TMEM132C: variants seen among roughly 807,000 people sequenced by gnomAD.
The protein encoded by TMEM132C is protein phosphatase 1, regulatory subunit 152.
A neutral mutation model predicts 61.4 loss-of-function variants in TMEM132C; 29 were observed. That is an observed-to-expected ratio of 0.47 (90% confidence interval 0.35 to 0.64). TMEM132C has a LOEUF of 0.64. Among genes scored for constraint, TMEM132C ranks in the 30% least tolerant of loss-of-function variants. The pLI, the probability that TMEM132C is intolerant of heterozygous loss-of-function variation, is 0.00. For synonymous variants in TMEM132C, 656 were observed against 633.1 expected (o/e 1.04, Z -0.54); for missense variants, 1,408 against 1,476.9 (o/e 0.95, Z 0.76).
chr12:128,613,018 A>G (rs1288876776), intron 3 of TMEM132C, among the ~76,000 whole-genome samples: 1 of 152,166 alleles, frequency 6.6e-6, no homozygotes, highest in Admixed American at 6.5e-5. Flanking sequence ...GAGTGGTTGC[A>G]ATGCTCACAG....
chr12:128,418,631 C>T (rs113058484), intron 2 of TMEM132C, among the ~76,000 whole-genome samples: 3 of 152,218 alleles, frequency 2.0e-5, no homozygotes, highest in South Asian at 2.1e-4. Flanking sequence ...CCCCAGCTTC[C>T]GCTGGTGGTA....
intron 1 of TMEM132C, among the ~76,000 whole-genome samples, chr12:128,407,434 G>C (rs975509876): frequency 3.3e-5 from 5 of 152,146 alleles, no homozygotes; most frequent in Non-Finnish European, 7.4e-5. Context: ...ATGACTGCTG[G>C]CTGCTCTGTG....
chr12:128,379,355 GT>G (rs1185842334), intron 1 of TMEM132C, among the ~76,000 whole-genome samples: 1 of 152,244 alleles, frequency 6.6e-6, no homozygotes, highest in Non-Finnish European at 1.5e-5. Flanking sequence ...AGCCCACACA[GT>G]TTGGAGGATT....
At chr12:128,304,586 G>A (rs1471475520) in intron 1 of TMEM132C, among the ~76,000 whole-genome samples, 1 of 151,814 alleles carries the variant, frequency 6.6e-6, no homozygotes, top group African/African-American at 2.4e-5. Flanking sequence ...TCCAGCCTGG[G>A]TGACAGAGCA....
At chr12:128,536,637 G>A (rs1245390661) in intron 2 of TMEM132C, among the ~76,000 whole-genome samples, 5 of 152,146 alleles carry the variant, frequency 3.3e-5, no homozygotes, top group East Asian at 1.9e-4. Context: ...CCTTCCACCC[G>A]CAGTGTTCCC....
intron 2 of TMEM132C, among the ~76,000 whole-genome samples, chr12:128,512,029 A>G (rs926237296): frequency 6.6e-6 from 1 of 151,502 alleles, no homozygotes; most frequent in Admixed American, 6.6e-5. Context: ...GCACAACCCA[A>G]GGCCCCTCGA....
intron 2 of TMEM132C, among the ~76,000 whole-genome samples, chr12:128,537,103 T>C (rs777555280): frequency 3.9e-5 from 6 of 152,230 alleles, no homozygotes; most frequent in Non-Finnish European, 8.8e-5. Flanking sequence ...ATGGGTCCCA[T>C]GTGCAAAAGA....
intron 4 of TMEM132C, among the ~76,000 whole-genome samples, chr12:128,661,599 G>A (rs1376043142): frequency 1.3e-5 from 2 of 151,926 alleles, no homozygotes; most frequent in Non-Finnish European, 2.9e-5. Context: ...GCACATGGAG[G>A]GATTCAGTTA....
chr12:128,376,247 T>G (rs999202199), intron 1 of TMEM132C, among the ~76,000 whole-genome samples: 2 of 152,218 alleles, frequency 1.3e-5, no homozygotes, highest in Non-Finnish European at 2.9e-5. Flanking sequence ...AGTAACCAGG[T>G]GCATTGGAGA....
At chr12:128,515,982 C>T (rs892401332) in intron 2 of TMEM132C, among the ~76,000 whole-genome samples, 4 of 152,118 alleles carry the variant, frequency 2.6e-5, no homozygotes, top group African/African-American at 4.8e-5. Context: ...GGCCCATGTC[C>T]GTGCCAGCAT....
At chr12:128,669,599 A>T in intron 5 of TMEM132C, 39 bp downstream of exon 5, 2 of 1,545,556 alleles carry the variant, frequency 1.3e-6, no homozygotes, top group Non-Finnish European at 8.7e-7. Flanking sequence ...AACCGGTGGG[A>T]ACTTCACTTG....
chr12:128,706,472 G>T lies in TMEM132C; in HGVS notation c.*177G>T. 5.0e-6 allele frequency: 4 copies of T among 803,316 alleles called. No homozygotes were observed. Among genetic ancestry groups the T allele is most frequent in the Non-Finnish European group, 7.2e-6 (4 of 556,448 alleles). The allele number at this position is 803,316 out of a possible 1,614,324, so 49.8% of individuals were successfully genotyped here. On this transcript the variant is annotated 3_prime_UTR_variant, in exon 9 of 9. Transcript: ENST00000435159. The stretch of plus-strand genomic sequence containing the variant: ...TTTTTGTATCAAGGGATTTTTAGCA[G>T]TTAATGGTGGTGGATTTTTAAAGGT...
At chr12:128,284,349 T>TGGTAA (rs1384240893) in intron 1 of TMEM132C, among the ~76,000 whole-genome samples, 1 of 152,228 alleles carries the variant, frequency 6.6e-6, no homozygotes, top group Non-Finnish European at 1.5e-5. Context: ...CTTACTCTTA[T>TGGTAA]GGTAACCTCA....
intron 1 of TMEM132C, among the ~76,000 whole-genome samples, chr12:128,280,521 A>C (rs1870856154): frequency 6.6e-6 from 1 of 152,226 alleles, no homozygotes; most frequent in African/African-American, 2.4e-5. Context: ...AACATGCTTA[A>C]ATTCAGTTAA....
chr12:128,543,732 C>A (rs1331416630), intron 2 of TMEM132C, among the ~76,000 whole-genome samples: 1 of 152,082 alleles, frequency 6.6e-6, no homozygotes, highest in African/African-American at 2.4e-5. Flanking sequence ...CTTTTTCCTC[C>A]CCCTCAGAAC....
intron 3 of TMEM132C, among the ~76,000 whole-genome samples, chr12:128,587,627 T>C (rs66805629): frequency 0.13 from 20,230 of 152,284 alleles, 1,492 homozygotes; most frequent in Non-Finnish European, 0.15. Flanking sequence ...AGAATGTGAT[T>C]GCATCTATTG....
intron 4 of TMEM132C, among the ~76,000 whole-genome samples, chr12:128,623,741 G>T (rs149381401): frequency 0.011 from 1,677 of 152,168 alleles, 34 homozygotes; most frequent in African/African-American, 0.038. Context: ...CTGGGAGGCA[G>T]AGGTTGCAGT....
chr12:128,669,536 G>A lies in TMEM132C; in HGVS notation c.1425G>A (p.Lys475=), dbSNP rs1954510379. Residue 475 remains lysine (K), a synonymous_variant, in exon 5 of 9, where the codon AAG becomes AAA. Coordinates refer to ENST00000435159, the MANE Select transcript of TMEM132C (RefSeq NM_001136103.3). ...VMDISESVEC[K]STDEDVIKVS... is the part of the protein sequence containing the mutation. Reference sequence around the variant, plus strand: ...ACATCTCAGAGTCGGTGGAGTGCAAGTCCACAGACGAGGACGTTATCAAAG... The same window carrying A: ...ACATCTCAGAGTCGGTGGAGTGCAAATCCACAGACGAGGACGTTATCAAAG... 1 of 1,551,478 alleles carries A rather than the reference G, an allele frequency of 6.4e-7. No individual in the cohort carries two copies. Among genetic ancestry groups the A allele is most frequent in the Non-Finnish European group, 8.7e-7 (1 of 1,146,944 alleles).
At chr12:128,620,695 C>G (rs1953956262) in intron 4 of TMEM132C, among the ~76,000 whole-genome samples, 1 of 152,068 alleles carries the variant, frequency 6.6e-6, no homozygotes, top group African/African-American at 2.4e-5. Context: ...TGAGATTTAC[C>G]TGGAATTTTG....
Sources: gnomAD v4.1 joint callset for allele counts (sites outside exome capture counted in the v4.1 genomes callset) on GRCh38, gnomAD v4.1.1 for gene constraint, MANE v1.5 for transcripts, NCBI Gene and HGNC (gene_info 2026-07-23, HGNC 2026-07-21) for gene names.